TMEM198: variants seen among roughly 807,000 people sequenced by gnomAD.
TMEM198 encodes the protein transmembrane protein 198.
In TMEM198, 21 loss-of-function variants were observed where a neutral mutation model predicts 31.5. That is an observed-to-expected ratio of 0.67 (90% confidence interval 0.47 to 0.96). TMEM198 has a LOEUF of 0.96. TMEM198 is among the 40% of genes least tolerant of loss of function. The pLI, the probability that TMEM198 is intolerant of heterozygous loss-of-function variation, is 0.00. For synonymous variants in TMEM198, 211 were observed against 223.3 expected (o/e 0.95, Z 0.49); for missense variants, 447 against 499.4 (o/e 0.89, Z 1.00).
At chr2:219,547,202 C>T (rs1473992025) in intron 2 of TMEM198, 9 of 279,740 alleles carry the variant, frequency 3.2e-5, no homozygotes, top group African/African-American at 6.5e-5. Context: ...CACCAATGCA[C>T]GAATTCACTC....
Position 219,549,497 on chromosome 2 carries a change from T to G in TMEM198, c.945+143T>G, listed in dbSNP as rs1303564601. The G allele has an allele frequency of 2.4e-6, 3 of 1,271,402 alleles. No homozygotes were observed. The African/African-American group carries it at 4.5e-5, about 19-fold the overall frequency. The allele number at this position is 1,271,402 out of a possible 1,614,324, so 78.8% of individuals were successfully genotyped here. On this transcript the variant is annotated intron_variant, in intron 4 of 4. Coordinates refer to ENST00000373883, the MANE Select transcript of TMEM198 (RefSeq NM_001005209.3). ...CTGTTTGTCCATGCATCGGAGCCCA[T>G]GCACCAGGGGCTTGGCGGGTCCAGC...
At chr2:219,543,843 C>T (rs935462607), upstream of TMEM198, 1 of 414,170 alleles carries the variant, frequency 2.4e-6, no homozygotes, top group Non-Finnish European at 4.3e-6. Context: ...GTCTCGGGCT[C>T]TCGCTACCGG....
At chr2:219,543,913 T>G, upstream of TMEM198, 1 of 363,160 alleles carries the variant, frequency 2.8e-6, no homozygotes, top group Non-Finnish European at 5.3e-6. Flanking sequence ...CCCTCCTCAG[T>G]GCGGGAGAGG....
In TMEM198 at chr2:219,544,832, G is replaced by C; in HGVS notation, c.105G>C (p.Gln35His). ...PCEQPLERRY[Q>H]ALPALVCIMC... ...AACAGCCCCTGGAGCGCAGGTACCA[G>C]GCACTGCCGGCCCTCGTCTGCATCA... The change falls in exon 2 of 5, where the codon CAG (glutamine) becomes CAC (histidine). Residue 35 changes from glutamine to histidine, a missense_variant. Transcript: ENST00000373883. 6.2e-7 allele frequency: 1 copy of C among 1,614,244 alleles called. No homozygotes were observed. The highest frequency in any genetic ancestry group is 1.1e-5 in the South Asian group (1 of 91,082).
At chr2:219,543,888 A>AC (rs1050973084), upstream of TMEM198, 13 of 347,428 alleles carry the variant, frequency 3.7e-5, no homozygotes, top group African/African-American at 1.1e-4. Context: ...AAGGGGAAGG[A>AC]CCCCCGGAAG....
At chr2:219,549,562 T>G (rs1234960558) in intron 4 of TMEM198, among the ~76,000 whole-genome samples, 155 bp from the exon 5 acceptor site, 16 of 152,042 alleles carry the variant, frequency 1.1e-4, no homozygotes, top group Non-Finnish European at 1.5e-5. Context: ...AGTATGGGTT[T>G]TAAGTGGGAT....
chr2:219,544,821 C>T lies in TMEM198; in HGVS notation c.94C>T (p.Arg32Cys). The T allele has an allele frequency of 6.2e-7, 1 of 1,614,218 alleles. No individual in the cohort carries two copies. Among genetic ancestry groups the T allele is most frequent in the Non-Finnish European group, 8.5e-7 (1 of 1,180,048 alleles). The change falls in exon 2 of 5, where the codon CGC becomes TGC. Residue 32 changes from arginine to cysteine, a missense_variant. Coordinates refer to ENST00000373883, the MANE Select transcript of TMEM198 (RefSeq NM_001005209.3). ...TGCACCTTGTGAACAGCCCCTGGAG[C>T]GCAGGTACCAGGCACTGCCGGCCCT... The part of the protein sequence containing the change: ...WGAPCEQPLE[R>C]RYQALPALVC...
At chr2:219,548,963 A>G in intron 3 of TMEM198, 189 bp from the exon 4 acceptor site, 1 of 624,568 alleles carries the variant, frequency 1.6e-6, no homozygotes, top group Admixed American at 3.0e-5. Context: ...CTATGGAAGA[A>G]AAGAACAACA....
chr2:219,547,423 C>T, intron 2 of TMEM198, 83 bp from the exon 3 acceptor site: 2 of 1,131,220 alleles, frequency 1.8e-6, no homozygotes, highest in Non-Finnish European at 2.3e-6. Context: ...CCCCTGGGAT[C>T]CCATGTCCTT....
In TMEM198 at chr2:219,547,625, G is replaced by A. The variant is rs374926309; in HGVS notation, c.286G>A (p.Ala96Thr). ...GACACAGCTGAGTGCTGGGGCGAGCGCGGGCATCGCTCTGGGCATCGGGCT... is the reference window on the plus strand; with the variant it reads ...GACACAGCTGAGTGCTGGGGCGAGCACGGGCATCGCTCTGGGCATCGGGCT... ...LETQLSAGAS[A>T]GIALGIGLLC... Residue 96 changes from alanine (A) to threonine (T), a missense_variant, in exon 3 of 5, where the codon GCG becomes ACG. Transcript: ENST00000373883. The A allele has an allele frequency of 3.9e-5, 59 of 1,512,582 alleles. No homozygotes were observed. Among genetic ancestry groups the A allele is most frequent in the Non-Finnish European group, 4.9e-5 (55 of 1,129,258 alleles). 93.7% of individuals were successfully genotyped at this position (1,512,582 alleles called of 1,614,324 possible). A position where few individuals can be genotyped will look rare whatever the true frequency, so the allele number is the denominator to read the frequency against.
intron 4 of TMEM198, 35 bp downstream of exon 4, chr2:219,549,389 A>T (rs1239379607): frequency 1.9e-6 from 3 of 1,591,578 alleles, no homozygotes; most frequent in East Asian, 4.5e-5. Context: ...CAGAATGAGA[A>T]GGAAGTGTGG....
intron 3 of TMEM198, among the ~76,000 whole-genome samples, chr2:219,548,713 A>G (rs7557695): frequency 0.97 from 148,350 of 152,296 alleles, 72,369 homozygotes; most frequent in East Asian, 1. Context: ...GAAGGGCAAT[A>G]AGACTTTAAA....
chr2:219,545,883 C>T (rs954765792), intron 2 of TMEM198, among the ~76,000 whole-genome samples: 1 of 152,044 alleles, frequency 6.6e-6, no homozygotes, highest in African/African-American at 2.4e-5. Context: ...CATTCCTCCC[C>T]CAAACTCTGG....
Position 219,544,087 on chromosome 2 carries a change from A to ATGGGGCCGCGGTTC in TMEM198, c.-323_-310dup, listed in dbSNP as rs1245439179. The ATGGGGCCGCGGTTC allele has an allele frequency of 9.3e-6, 4 of 432,346 alleles. No individual in the cohort carries two copies. The Admixed American group carries it at 9.9e-5, about 11-fold the overall frequency. The allele number at this position is 432,346 out of a possible 1,614,324, so 26.8% of individuals were successfully genotyped here. On this transcript the variant is annotated 5_prime_UTR_variant, in exon 1 of 5. It removes the in-frame stop codon of an upstream open reading frame in the 5' UTR. Transcript: ENST00000373883. ...CAAAGGCCGCGGGCGGGCTCAGGGC[A>ATGGGGCCGCGGTTC]TGGGGCCGCGGTTCTGGGGCGGCCC...
In TMEM198 at chr2:219,547,528, G is replaced by A. The variant is rs1695414938; in HGVS notation, c.189G>A (p.Val63=). ...CAGGTTACCGCTGCTTCAAGGCAGT[G>A]CTCTTTCTCACTGGGTTGCTGTTTG... is the stretch of plus-strand genomic sequence containing the variant. ...CFFGYRCFKA[V]LFLTGLLFGS... The change falls in exon 3 of 5, where the codon GTG becomes GTA. Residue 63 remains valine (V), a synonymous_variant. Coordinates refer to ENST00000373883, the MANE Select transcript of TMEM198 (RefSeq NM_001005209.3). 2 of 1,452,764 alleles carry A rather than the reference G, an allele frequency of 1.4e-6. No homozygotes were observed. The highest frequency in any genetic ancestry group is 9.1e-7 in the Non-Finnish European group (1 of 1,099,110). The allele number at this position is 1,452,764 out of a possible 1,614,324, so 90.0% of individuals were successfully genotyped here.
At chr2:219,549,501 C>A in intron 4 of TMEM198, 147 bp downstream of exon 4, 1 of 1,252,146 alleles carries the variant, frequency 8.0e-7, no homozygotes, top group Non-Finnish European at 1.1e-6. Flanking sequence ...AGCCCATGCA[C>A]CAGGGGCTTG....
intron 3 of TMEM198, 41 bp from the exon 4 acceptor site, chr2:219,549,111 G>A (rs201672992): frequency 1.4e-5 from 23 of 1,609,576 alleles, no homozygotes; most frequent in African/African-American, 5.3e-5. Context: ...GAAACAAGGC[G>A]CACCGTCCTC....
rs918673263 is a variant in TMEM198 at position 219,550,264 on chromosome 2, C to T, written c.*410C>T. The T allele has an allele frequency of 3.1e-5, 6 of 193,226 alleles. No individual in the cohort carries two copies. Among genetic ancestry groups the T allele is most frequent in the South Asian group, 1.4e-4 (1 of 7,384 alleles). The allele number at this position is 193,226 out of a possible 1,614,324, so 12.0% of individuals were successfully genotyped here. On this transcript the variant is annotated 3_prime_UTR_variant, in exon 5 of 5. Coordinates refer to ENST00000373883, the MANE Select transcript of TMEM198 (RefSeq NM_001005209.3). ...CCATGGGCCACCTCCTGCATGTCTC[C>T]GCGGAGGGGCTACCTTCCTTCCCAT...
At chr2:219,544,408 C>T (rs1468442256) in intron 1 of TMEM198, 31 bp downstream of exon 1, 2 of 525,266 alleles carry the variant, frequency 3.8e-6, no homozygotes, top group East Asian at 9.3e-5. Flanking sequence ...TATTGAGCCG[C>T]CCACAGATGA....
Sources: gnomAD v4.1 joint callset for allele counts (sites outside exome capture counted in the v4.1 genomes callset) on GRCh38, gnomAD v4.1.1 for gene constraint, MANE v1.5 for transcripts, NCBI Gene and HGNC (gene_info 2026-07-23, HGNC 2026-07-21) for gene names.